Variants in THRB observed in about 807,000 individuals in gnomAD.
THRB encodes the protein nuclear receptor subfamily 1 group A member 2.
THRB carries 12 observed loss-of-function variants against 47.8 expected under a neutral mutation model. The observed-to-expected ratio is 0.25, with a 90% CI of 0.16 to 0.41. The LOEUF is 0.41. THRB is among the 10% of genes least tolerant of loss of function. The probability of loss-of-function intolerance (pLI) is 1.00; values close to 1 mark genes in which losing one functional copy is unlikely to be tolerated. For synonymous variants in THRB, 218 were observed against 212.2 expected (o/e 1.03, Z -0.24); for missense variants, 348 against 589.2 (o/e 0.59, Z 4.24).
At chr3:24,187,765 G>T (rs952311591) in intron 5 of THRB, among the ~76,000 whole-genome samples, 1 of 152,164 alleles carries the variant, frequency 6.6e-6, no homozygotes, top group Non-Finnish European at 1.5e-5. Flanking sequence ...CAGAGCAGAT[G>T]GAGAACCAAC....
rs79035382 is a variant in THRB, at chr3:24,309,907, T to C, written c.-188-12536A>G. On this transcript the variant is annotated intron_variant, in intron 2 of 10. Transcript: ENST00000646209. ...CTCCATTCCCCTATTCAGTGCTGTGTTGGGTAGAAAAGGGGTAAGTGAACA... is the reference window on the plus strand; with the variant it reads ...CTCCATTCCCCTATTCAGTGCTGTGCTGGGTAGAAAAGGGGTAAGTGAACA... Among the ~76,000 whole-genome samples the C allele has an allele frequency of 5.7e-3, 864 of 152,230 alleles. 5 individuals are homozygous for C. The highest frequency in any genetic ancestry group is 0.02 in the African/African-American group (813 of 41,540).
chr3:24,247,915 T>A (rs2050262245), intron 3 of THRB, among the ~76,000 whole-genome samples: 1 of 151,692 alleles, frequency 6.6e-6, no homozygotes. Flanking sequence ...ACCAAATTTT[T>A]AATATATAAA....
intron 9 of THRB, among the ~76,000 whole-genome samples, chr3:24,132,486 C>A (rs1444117199): frequency 6.6e-6 from 1 of 152,202 alleles, no homozygotes; most frequent in Non-Finnish European, 1.5e-5. Flanking sequence ...ACTTAAAAAA[C>A]CTTTCAACAG....
intron 9 of THRB, among the ~76,000 whole-genome samples, 181 bp from the exon 10 acceptor site, chr3:24,127,938 C>T (rs2033169362): frequency 6.6e-6 from 1 of 152,198 alleles, no homozygotes; most frequent in Non-Finnish European, 1.5e-5. Context: ...ATTTTTCATA[C>T]TCAAAGTTGA....
chr3:24,137,082 C>A (rs1327360934), intron 8 of THRB, among the ~76,000 whole-genome samples: 3 of 152,190 alleles, frequency 2.0e-5, no homozygotes, highest in African/African-American at 7.2e-5. Context: ...GACTATGAGT[C>A]ATATGGTATT....
intron 1 of THRB, among the ~76,000 whole-genome samples, chr3:24,473,237 CA>C (rs1694963574): frequency 6.6e-6 from 1 of 152,168 alleles, no homozygotes; most frequent in Admixed American, 6.5e-5. Context: ...ACCATTTTGG[CA>C]TATCAATTTT....
rs1054199670 is a variant in THRB at position 24,148,514 on chromosome 3, C to T, written c.385-1692G>A. 3.9e-5 allele frequency among the ~76,000 whole-genome samples: 6 copies of T among 151,924 alleles called. No individual in the cohort carries two copies. The East Asian group carries it at 9.7e-4, about 24-fold the overall frequency. On this transcript the variant is annotated intron_variant, in intron 6 of 10. Transcript: ENST00000646209. The stretch of plus-strand genomic sequence containing the variant: ...TGGCCTCAAGTGATCCGTCTGCCTC[C>T]GCCTCCCAAAGTGCTGGGATTACAG...
intron 2 of THRB, among the ~76,000 whole-genome samples, chr3:24,322,733 C>G (rs2058564899): frequency 6.6e-6 from 1 of 152,162 alleles, no homozygotes; most frequent in South Asian, 2.1e-4. Context: ...TCATCTAGAT[C>G]CTTCTACTGG....
intron 1 of THRB, among the ~76,000 whole-genome samples, chr3:24,388,260 C>A (rs961104780): frequency 2.6e-5 from 4 of 152,160 alleles, no homozygotes; most frequent in African/African-American, 9.7e-5. Context: ...TTTCACTGCT[C>A]TTTAAATGTT....
chr3:24,391,472 G>C (rs1333923104), intron 1 of THRB, among the ~76,000 whole-genome samples: 1 of 152,008 alleles, frequency 6.6e-6, no homozygotes, highest in Non-Finnish European at 1.5e-5. Context: ...GTTAAACTTA[G>C]TTTTGAAACT....
intron 6 of THRB, among the ~76,000 whole-genome samples, chr3:24,149,904 T>A (rs2036654527): frequency 6.6e-6 from 1 of 152,224 alleles, no homozygotes; most frequent in African/African-American, 2.4e-5. Context: ...ATTGATGATT[T>A]GTTGGTAAGA....
intron 4 of THRB, among the ~76,000 whole-genome samples, chr3:24,202,694 G>A (rs1284501937): frequency 2.0e-5 from 3 of 152,172 alleles, no homozygotes; most frequent in Non-Finnish European, 2.9e-5. Context: ...CCTACTATGT[G>A]CCATTTCATT....
chr3:24,310,712 A>G (rs1387611702), intron 2 of THRB, among the ~76,000 whole-genome samples: 1 of 152,176 alleles, frequency 6.6e-6, no homozygotes, highest in South Asian at 2.1e-4. Context: ...ATGTCTGCAA[A>G]CATGGTGATT....
chr3:24,269,399 GCGCGCACACACACACACACACA>G (rs1321571458), intron 3 of THRB, among the ~76,000 whole-genome samples: 2 of 89,872 alleles, frequency 2.2e-5, no homozygotes, highest in South Asian at 4.4e-4. Context: ...GCGCGCGCGC[GCGCGCACACACACACACACACA>G]CACACACACA....
At chr3:24,158,642 C>T (rs2038273534) in intron 5 of THRB, among the ~76,000 whole-genome samples, 1 of 152,142 alleles carries the variant, frequency 6.6e-6, no homozygotes, top group South Asian at 2.1e-4. Flanking sequence ...GTTGGCCAGG[C>T]TGGTCTCGAA....
intron 3 of THRB, among the ~76,000 whole-genome samples, chr3:24,286,844 G>C (rs1451298581): frequency 6.6e-6 from 1 of 152,164 alleles, no homozygotes; most frequent in Non-Finnish European, 1.5e-5. Context: ...AGAAGGGCAT[G>C]TGCTACATTT....
At chr3:24,473,184 T>C (rs918070166) in intron 1 of THRB, among the ~76,000 whole-genome samples, 4 of 152,248 alleles carry the variant, frequency 2.6e-5, no homozygotes, top group African/African-American at 9.6e-5. Context: ...ATATTGTTTA[T>C]AATTTTATTC....
At chr3:24,272,274 A>T (rs1251861378) in intron 3 of THRB, among the ~76,000 whole-genome samples, 2 of 152,040 alleles carry the variant, frequency 1.3e-5, no homozygotes, top group African/African-American at 4.8e-5. Flanking sequence ...AGAGCCCAGG[A>T]GGTTGAGGCA....
rs552344289 is a variant in THRB at position 24,488,250 on chromosome 3, C to A, written c.-261+6402G>T. On this transcript the variant is annotated intron_variant, in intron 1 of 10. Transcript: ENST00000646209. ...TAAATTCTTGATCACAGAAGAGAAG[C>A]CATGACTCCCTGAAGACCCTCTTTG... 2.6e-5 allele frequency among the ~76,000 whole-genome samples: 4 copies of A among 152,286 alleles called. No individual in the cohort carries two copies. The South Asian group carries it at 8.3e-4, about 32-fold the overall frequency.
Sources: gnomAD v4.1 joint callset for allele counts (sites outside exome capture counted in the v4.1 genomes callset) on GRCh38, gnomAD v4.1.1 for gene constraint, MANE v1.5 for transcripts, NCBI Gene and HGNC (gene_info 2026-07-23, HGNC 2026-07-21) for gene names.